The following EEF2K variants were observed in gnomAD, a reference collection of about 807,000 sequenced individuals.
EEF2K encodes eukaryotic elongation factor 2 kinase, also known as alternative protein EEF2K.
EEF2K carries 70 observed loss-of-function variants against 93.8 expected under a neutral mutation model. That is an observed-to-expected ratio of 0.75 (90% CI 0.62 to 0.91). EEF2K has a LOEUF of 0.91. EEF2K is among the 40% of genes least tolerant of loss of function. EEF2K has a pLI of 0.00. For missense variants in EEF2K, 935 were observed against 972.9 expected (o/e 0.96, Z 0.52); for synonymous variants, 376 against 380.8 (o/e 0.99, Z 0.15).
At chr16:22,271,847 T>C (rs2047585707) in intron 15 of EEF2K, among the ~76,000 whole-genome samples, 1 of 152,196 alleles carries the variant, frequency 6.6e-6, no homozygotes, top group African/African-American at 2.4e-5. Flanking sequence ...ATGGTTGCAA[T>C]TGATGGAGAA....
chr16:22,266,557 G>A, intron 14 of EEF2K, 33 bp downstream of exon 14: 1 of 1,612,206 alleles, frequency 6.2e-7, no homozygotes, highest in South Asian at 1.1e-5. Flanking sequence ...AGCCCTGTCT[G>A]CACTAACCTG....
Position 22,256,126 on chromosome 16 carries a change from T to C in EEF2K, c.619-622T>C, listed in dbSNP as rs562209918. Among the ~76,000 whole-genome samples, 3 of 151,974 alleles carry C rather than the reference T, an allele frequency of 2.0e-5. No individual in the cohort carries two copies. In the East Asian group the frequency reaches 5.8e-4, roughly 30 times the overall value. ...TAATTTTTTTTTTGAGACGGAGTTTTGCTCTTGTTGCTCAGGGCTGGAGTG... is the reference window on the plus strand; with the variant it reads ...TAATTTTTTTTTTGAGACGGAGTTTCGCTCTTGTTGCTCAGGGCTGGAGTG... On this transcript the variant is annotated intron_variant, in intron 6 of 17. Transcript: ENST00000263026.
intron 16 of EEF2K, among the ~76,000 whole-genome samples, chr16:22,276,608 C>T (rs1471001312): frequency 1.3e-5 from 2 of 152,120 alleles, no homozygotes; most frequent in African/African-American, 4.8e-5. Context: ...GAAGGATGGA[C>T]GCCCTCGCCA....
chr16:22,283,006 TAAC>T (rs1475570975), intron 17 of EEF2K, among the ~76,000 whole-genome samples: 1 of 152,066 alleles, frequency 6.6e-6, no homozygotes, highest in Non-Finnish European at 1.5e-5. Context: ...TTTTAAAAAT[TAAC>T]AAAGAATAAT....
chr16:22,267,982 G>C (rs1280378556), intron 15 of EEF2K, among the ~76,000 whole-genome samples: 1 of 152,100 alleles, frequency 6.6e-6, no homozygotes, highest in South Asian at 2.1e-4. Flanking sequence ...GTGGGCCAAC[G>C]TTGCGCATGG....
intron 15 of EEF2K, among the ~76,000 whole-genome samples, chr16:22,268,946 G>C (rs1376232902): frequency 1.3e-5 from 2 of 149,358 alleles, no homozygotes; most frequent in East Asian, 1.9e-4. Flanking sequence ...AACAGAGCAA[G>C]ACTCCATCTC....
At chr16:22,239,881 G>A (rs1339177591) in intron 2 of EEF2K, among the ~76,000 whole-genome samples, 1 of 152,064 alleles carries the variant, frequency 6.6e-6, no homozygotes, top group Non-Finnish European at 1.5e-5. Context: ...GAGGCAGGCG[G>A]ATCACAAGGT....
At chr16:22,273,901 C>G in intron 16 of EEF2K, 151 bp downstream of exon 16, 1 of 1,163,188 alleles carries the variant, frequency 8.6e-7, no homozygotes, top group Admixed American at 2.9e-5. Context: ...TCCCTGGCCT[C>G]AGTTTCTTCA....
At chr16:22,276,859 C>G (rs2047642114) in intron 16 of EEF2K, among the ~76,000 whole-genome samples, 1 of 152,022 alleles carries the variant, frequency 6.6e-6, no homozygotes, top group Non-Finnish European at 1.5e-5. Flanking sequence ...GAGATTGAGA[C>G]CAGACTGAAC....
rs1303686787 is a variant in EEF2K at position 22,260,547 on chromosome 16, G to A, written c.1299+18G>A. ...ACCACCGGGTGAGTGTGAAGGGAGGGAGGCTGCAGGCTTCAGACCCCAGCA... is the reference window on the plus strand; with the variant it reads ...ACCACCGGGTGAGTGTGAAGGGAGGAAGGCTGCAGGCTTCAGACCCCAGCA... On this transcript the variant is annotated intron_variant, in intron 11 of 17. Coordinates refer to ENST00000263026, the MANE Select transcript of EEF2K (RefSeq NM_013302.5). The A allele has an allele frequency of 6.2e-7, 1 of 1,614,084 alleles. No homozygotes were observed. The highest frequency in any genetic ancestry group is 2.2e-5 in the East Asian group (1 of 44,876).
chr16:22,253,006 G>A (rs542382824), intron 6 of EEF2K, among the ~76,000 whole-genome samples: 24 of 152,158 alleles, frequency 1.6e-4, no homozygotes, highest in Non-Finnish European at 3.4e-4. Flanking sequence ...AGCTTTGAGT[G>A]GGGACACAGC....
chr16:22,233,328 C>T (rs1199046862), intron 2 of EEF2K, among the ~76,000 whole-genome samples: 2 of 152,056 alleles, frequency 1.3e-5, no homozygotes, highest in Non-Finnish European at 2.9e-5. Flanking sequence ...CTAGAATAAG[C>T]ATAGGGAGCA....
chr16:22,209,825 C>A (rs999992476), intron 1 of EEF2K, among the ~76,000 whole-genome samples: 1 of 152,224 alleles, frequency 6.6e-6, no homozygotes, highest in African/African-American at 2.4e-5. Context: ...CAGGGTCTTG[C>A]TCTGTCACCC....
intron 11 of EEF2K, among the ~76,000 whole-genome samples, chr16:22,261,565 C>T (rs901578677): frequency 1.3e-5 from 2 of 151,816 alleles, no homozygotes; most frequent in Non-Finnish European, 2.9e-5. Context: ...TGGCAGTTTC[C>T]TGTAATCCCA....
intron 3 of EEF2K, among the ~76,000 whole-genome samples, chr16:22,246,483 T>C: frequency 8.3e-6 from 1 of 119,902 alleles, no homozygotes; most frequent in African/African-American, 3.4e-5. Flanking sequence ...GCCACTACAC[T>C]CCAGCCTGGG....
intron 1 of EEF2K, among the ~76,000 whole-genome samples, chr16:22,214,184 T>G (rs984856397): frequency 5.3e-5 from 8 of 152,136 alleles, no homozygotes; most frequent in African/African-American, 1.9e-4. Flanking sequence ...TCTCATTGTA[T>G]CCTCAGAACA....
intron 4 of EEF2K, among the ~76,000 whole-genome samples, chr16:22,249,118 C>T (rs1383567528): frequency 1.3e-5 from 2 of 151,620 alleles, no homozygotes; most frequent in African/African-American, 4.8e-5. Flanking sequence ...CACAAGTACA[C>T]ACCACCACTC....
rs538140789 is a variant in EEF2K, at chr16:22,258,983, C to T, written c.1231+288C>T. ...CAAACTAAAAAAGAAAATTATATCCCAACCTTATTTAAAATTTGTATTTGT... is the reference window on the plus strand; with the variant it reads ...CAAACTAAAAAAGAAAATTATATCCTAACCTTATTTAAAATTTGTATTTGT... On this transcript the variant is annotated intron_variant, in intron 10 of 17. Transcript: ENST00000263026. Among the ~76,000 whole-genome samples, 75 of 151,656 alleles carry T rather than the reference C, an allele frequency of 4.9e-4. No individual in the cohort carries two copies. The Middle Eastern group carries it at 0.02, about 41-fold the overall frequency.
At chr16:22,227,938 G>GA (rs917951916) in intron 2 of EEF2K, among the ~76,000 whole-genome samples, 59 of 63,212 alleles carry the variant, frequency 9.3e-4, no homozygotes, top group East Asian at 1.6e-3. Context: ...CTTTATTAAA[G>GA]AAAAAAAAAA....
Sources: gnomAD v4.1 joint callset for allele counts (sites outside exome capture counted in the v4.1 genomes callset) on GRCh38, gnomAD v4.1.1 for gene constraint, MANE v1.5 for transcripts, NCBI Gene and HGNC (gene_info 2026-07-23, HGNC 2026-07-21) for gene names.